PTPRJ: variants seen among roughly 807,000 people sequenced by gnomAD.
The protein encoded by PTPRJ is protein tyrosine phosphatase receptor type J.
Under a neutral mutation model 141.3 loss-of-function variants are expected in PTPRJ, and 129 were observed. That is an observed-to-expected ratio of 0.91 (90% confidence interval 0.79 to 1.06). The LOEUF is 1.06. PTPRJ is among the 50% of genes least tolerant of loss of function. PTPRJ has a pLI of 0.00. For missense variants in PTPRJ, 1,601 were observed against 1,679.7 expected, an observed-to-expected ratio of 0.95 and a Z score of 0.82; for synonymous variants, 610 against 640.5, an observed-to-expected ratio of 0.95 and a Z score of 0.72.
chr11:48,059,628 A>AAC (rs1484152192), intron 1 of PTPRJ, among the ~76,000 whole-genome samples: 1 of 152,230 alleles, frequency 6.6e-6, no homozygotes, highest in Non-Finnish European at 1.5e-5. Flanking sequence ...ATAGAGCAGG[A>AAC]GCAAGACACA....
intron 10 of PTPRJ, among the ~76,000 whole-genome samples, chr11:48,138,380 G>A (rs994266551): frequency 6.6e-6 from 1 of 152,180 alleles, no homozygotes; most frequent in Non-Finnish European, 1.5e-5. Flanking sequence ...TTATGACTGG[G>A]TGTGGGTGGA....
chr11:48,043,873 C>T (rs1854328276), intron 1 of PTPRJ, among the ~76,000 whole-genome samples: 1 of 152,168 alleles, frequency 6.6e-6, no homozygotes, highest in Admixed American at 6.5e-5. Context: ...TTAAAGGGAG[C>T]CAGCAGCCAG....
At chr11:48,129,832 A>G (rs979686197) in intron 7 of PTPRJ, among the ~76,000 whole-genome samples, 2 of 152,066 alleles carry the variant, frequency 1.3e-5, no homozygotes, top group African/African-American at 4.8e-5. Context: ...CATTGCATCC[A>G]CACTACAGGT....
At position 48,169,097 on chromosome 11, in the gene PTPRJ, C is replaced by G. The variant is rs554479344; in HGVS notation, c.*1735C>G. ...ACTGGCACTTCGATAACTGACTGGA[C>G]GTGTTAATGGGTCTTTTAGGGTTCT... On this transcript the variant is annotated 3_prime_UTR_variant, in exon 25 of 25. Coordinates refer to ENST00000418331, the MANE Select transcript of PTPRJ (RefSeq NM_002843.4). 3 of 152,126 alleles carry G rather than the reference C, an allele frequency of 2.0e-5. No homozygotes were observed. The highest frequency in any genetic ancestry group is 7.2e-5 in the African/African-American group (3 of 41,382). 9.4% of individuals were successfully genotyped at this position (152,126 alleles called of 1,614,324 possible). A position where few individuals can be genotyped will look rare whatever the true frequency, so the allele number is the denominator to read the frequency against.
intron 3 of PTPRJ, among the ~76,000 whole-genome samples, chr11:48,119,473 A>C (rs1856652057): frequency 6.6e-6 from 1 of 152,110 alleles, no homozygotes; most frequent in Non-Finnish European, 1.5e-5. Flanking sequence ...ATCTTGGTTC[A>C]CTGCAAACTC....
chr11:48,003,457 A>G (rs1854550561), intron 1 of PTPRJ, among the ~76,000 whole-genome samples: 1 of 151,906 alleles, frequency 6.6e-6, no homozygotes. Context: ...CCGTCCCAGC[A>G]CTGGGTATTA....
At chr11:48,165,689 A>G (rs1184354978) in intron 24 of PTPRJ, among the ~76,000 whole-genome samples, 3 of 152,140 alleles carry the variant, frequency 2.0e-5, no homozygotes, top group Non-Finnish European at 4.4e-5. Flanking sequence ...GTGTTGGTCA[A>G]AAGAGAGATT....
chr11:48,102,378 G>T (rs1287687314), intron 1 of PTPRJ, among the ~76,000 whole-genome samples: 2 of 151,988 alleles, frequency 1.3e-5, no homozygotes, highest in Admixed American at 6.6e-5. Context: ...TTTCTGAGAA[G>T]CCAAAAAACA....
chr11:48,063,810 T>G (rs1175373833), intron 1 of PTPRJ, among the ~76,000 whole-genome samples: 2 of 152,204 alleles, frequency 1.3e-5, no homozygotes, highest in African/African-American at 4.8e-5. Flanking sequence ...GAGGTTCCCC[T>G]TGGTTTATGT....
At chr11:48,140,831 T>C (rs72903565) in intron 11 of PTPRJ, among the ~76,000 whole-genome samples, 5 of 105,872 alleles carry the variant, frequency 4.7e-5, no homozygotes, top group Non-Finnish European at 8.4e-5. Flanking sequence ...TGTGAAGTAT[T>C]AATGAGTTAT....
intron 24 of PTPRJ, among the ~76,000 whole-genome samples, chr11:48,166,869 A>T (rs1857929187): frequency 6.6e-6 from 1 of 152,128 alleles, no homozygotes; most frequent in Non-Finnish European, 1.5e-5. Flanking sequence ...ATCTTGTTGG[A>T]CATTTGATTG....
chr11:48,049,514 C>CCAAAACAAAACAAAACAAAACAAAA (rs1565276216), intron 1 of PTPRJ, among the ~76,000 whole-genome samples: 6 of 127,392 alleles, frequency 4.7e-5, no homozygotes, highest in African/African-American at 1.7e-4. Flanking sequence ...CCCGTCTCTA[C>CCAAAACAAAACAAAACAAAACAAAA]TAAAACAAAA....
intron 1 of PTPRJ, among the ~76,000 whole-genome samples, chr11:48,003,978 G>A (rs888256666): frequency 6.6e-6 from 1 of 151,980 alleles, no homozygotes; most frequent in African/African-American, 2.4e-5. Flanking sequence ...TTTATGTTTT[G>A]TACTGAAATC....
rs374517679 is a variant in PTPRJ at position 48,151,743 on chromosome 11, C to T, written c.3138+1560C>T. Among the ~76,000 whole-genome samples, 4 of 152,046 alleles carry T rather than the reference C, an allele frequency of 2.6e-5. No individual in the cohort carries two copies. The East Asian group carries it at 5.8e-4, about 22-fold the overall frequency. On this transcript the variant is annotated intron_variant, in intron 18 of 24. Coordinates refer to ENST00000418331, the MANE Select transcript of PTPRJ (RefSeq NM_002843.4). ...ATCGTTTGCTGAGAATGATGGTTTCCAGCTTCATCCATGTCCCTACAAAGG... is the reference window on the plus strand; with the variant it reads ...ATCGTTTGCTGAGAATGATGGTTTCTAGCTTCATCCATGTCCCTACAAAGG...
chr11:48,144,973 C>T (rs1857317411), intron 13 of PTPRJ, 27 bp from the exon 14 acceptor site: 2 of 1,614,158 alleles, frequency 1.2e-6, no homozygotes, highest in Non-Finnish European at 1.7e-6. Context: ...TCTCAGGGAC[C>T]TCTTTTTGCT....
At chr11:48,083,649 A>G (rs1041080889) in intron 1 of PTPRJ, among the ~76,000 whole-genome samples, 12 of 152,168 alleles carry the variant, frequency 7.9e-5, no homozygotes, top group Non-Finnish European at 1.8e-4. Flanking sequence ...TGCCTCTCCT[A>G]TGAGAATGTG....
intron 1 of PTPRJ, among the ~76,000 whole-genome samples, chr11:48,043,900 A>G (rs1854329110): frequency 6.6e-6 from 1 of 152,180 alleles, no homozygotes; most frequent in Admixed American, 6.5e-5. Flanking sequence ...TCTATCTTAC[A>G]GCTTCTAATT....
chr11:48,106,236 C>T (rs549320801), intron 1 of PTPRJ, among the ~76,000 whole-genome samples: 273 of 152,216 alleles, frequency 1.8e-3, no homozygotes, highest in African/African-American at 2.5e-3. Flanking sequence ...GGTTATAGGT[C>T]GAGTCAGGGC....
At chr11:48,036,016 G>A (rs1854116051) in intron 1 of PTPRJ, among the ~76,000 whole-genome samples, 1 of 152,188 alleles carries the variant, frequency 6.6e-6, no homozygotes, top group African/African-American at 2.4e-5. Flanking sequence ...GGGGAGACAT[G>A]GTCTACTTAA....
Sources: gnomAD v4.1 joint callset for allele counts (sites outside exome capture counted in the v4.1 genomes callset) on GRCh38, gnomAD v4.1.1 for gene constraint, MANE v1.5 for transcripts, NCBI Gene and HGNC (gene_info 2026-07-23, HGNC 2026-07-21) for gene names.